Variants in ZDHHC15 observed in about 807,000 individuals in gnomAD.
ZDHHC15 encodes the protein palmitoyltransferase ZDHHC15.
In ZDHHC15, 19 loss-of-function variants were observed where a neutral mutation model predicts 31.7. The observed-to-expected ratio is 0.60, with a 90% CI of 0.42 to 0.88. The LOEUF is 0.88. Among genes scored for constraint, ZDHHC15 ranks in the 40% least tolerant of loss-of-function variants. The probability of loss-of-function intolerance (pLI) is 0.00; values close to 1 mark genes in which losing one functional copy is unlikely to be tolerated. For synonymous variants in ZDHHC15, 103 were observed against 90.0 expected (o/e 1.14, Z -0.82); for missense variants, 209 against 251.2 (o/e 0.83, Z 1.14).
At chrX:75,510,029 A>G (rs1017640425) in intron 1 of ZDHHC15, among the ~76,000 whole-genome samples, 12 of 111,646 alleles carry the variant, frequency 1.1e-4, no homozygotes, top group Non-Finnish European at 5.7e-5. Flanking sequence ...GATATAGGGA[A>G]CTGAGACACA....
Position 75,491,907 on chromosome X carries a change from C to T in ZDHHC15, c.164-12922G>A, listed in dbSNP as rs1387215556. Among the ~76,000 whole-genome samples the T allele has an allele frequency of 4.5e-5, 5 of 111,525 alleles. 1 individual carries two copies. Among genetic ancestry groups the T allele is most frequent in the Non-Finnish European group, 9.4e-5 (5 of 53,150 alleles). On this transcript the variant is annotated intron_variant, in intron 2 of 11. Transcript: ENST00000373367. Reference sequence around the variant, plus strand: ...ATTAACGAGCAAAATAACCAGCTAACATCATAATGACAGGATAAAATTCAC... The same window carrying T: ...ATTAACGAGCAAAATAACCAGCTAATATCATAATGACAGGATAAAATTCAC...
intron 10 of ZDHHC15, among the ~76,000 whole-genome samples, chrX:75,380,337 C>T: frequency 8.9e-6 from 1 of 112,052 alleles, no homozygotes; most frequent in African/African-American, 3.2e-5. Flanking sequence ...AGAAGTGATG[C>T]TAATTCTTTC....
At chrX:75,446,033 G>T (rs1014633996) in intron 4 of ZDHHC15, among the ~76,000 whole-genome samples, 1 of 111,453 alleles carries the variant, frequency 9.0e-6, no homozygotes, top group Admixed American at 9.6e-5. Flanking sequence ...ATCCCTAAAG[G>T]TAAGGTACAA....
intron 4 of ZDHHC15, among the ~76,000 whole-genome samples, chrX:75,444,712 A>ACACAC (rs1569332752): frequency 6.4e-5 from 6 of 94,291 alleles, no homozygotes; most frequent in African/African-American, 1.6e-4. Flanking sequence ...ACACACACAC[A>ACACAC]AATTTATGTA....
rs573271281 is a variant in ZDHHC15 at position 75,394,385 on chromosome X, T to C, written c.968-15187A>G. On this transcript the variant is annotated intron_variant, in intron 10 of 11. Transcript: ENST00000373367. The stretch of plus-strand genomic sequence containing the variant: ...AGCTCTTTTCAATAATAACATTGAA[T>C]GTAAATGGAGTAAACTATAATCAAA... Among the ~76,000 whole-genome samples the C allele has an allele frequency of 2.8e-5, 3 of 108,535 alleles. No homozygotes were observed. In the South Asian group the frequency reaches 1.2e-3, roughly 43 times the overall value. The allele number at this position is 108,535 out of a possible 115,157, so 94.2% of individuals were successfully genotyped here. A position where few individuals can be genotyped will look rare whatever the true frequency, so the allele number is the denominator to read the frequency against.
chrX:75,384,603 C>T, intron 10 of ZDHHC15: 1 of 815,917 alleles, frequency 1.2e-6, no homozygotes, highest in Non-Finnish European at 1.8e-6. Context: ...AGATTCTTGC[C>T]AAGAGAATTA....
chrX:75,484,053 G>A (rs746723372), intron 2 of ZDHHC15, among the ~76,000 whole-genome samples: 12 of 111,724 alleles, frequency 1.1e-4, no homozygotes, highest in Admixed American at 6.7e-4. Flanking sequence ...TTTCAGAGTT[G>A]GAAGAAAACT....
At chrX:75,376,445 C>T (rs1422064336) in intron 11 of ZDHHC15, among the ~76,000 whole-genome samples, 1 of 111,214 alleles carries the variant, frequency 9.0e-6, no homozygotes, top group Non-Finnish European at 1.9e-5. Context: ...GTTGCAATTG[C>T]TTTTGGGGAC....
intron 3 of ZDHHC15, among the ~76,000 whole-genome samples, chrX:75,477,965 A>T (rs1322701118): frequency 9.0e-6 from 1 of 110,765 alleles, no homozygotes; most frequent in Non-Finnish European, 1.9e-5. Flanking sequence ...CTCTGTAGTT[A>T]ACTTTATTTT....
At chrX:75,452,065 T>C (rs1602648550) in intron 3 of ZDHHC15, among the ~76,000 whole-genome samples, 1 of 110,796 alleles carries the variant, frequency 9.0e-6, no homozygotes, top group African/African-American at 3.3e-5. Context: ...CTAAATGCCC[T>C]AATTAAAAAC....
At chrX:75,504,415 T>C (rs967376914) in intron 2 of ZDHHC15, among the ~76,000 whole-genome samples, 2 of 111,838 alleles carry the variant, frequency 1.8e-5, no homozygotes, top group African/African-American at 6.5e-5. Flanking sequence ...GAAAATATAA[T>C]TTGAAGATGA....
intron 1 of ZDHHC15, among the ~76,000 whole-genome samples, chrX:75,510,664 G>T (rs1441890213): frequency 1.2e-5 from 1 of 86,668 alleles, no homozygotes; most frequent in African/African-American, 4.2e-5. Flanking sequence ...CCATGCTGGT[G>T]CGCTGCACCC....
chrX:75,466,933 G>A (rs1419464709), intron 3 of ZDHHC15, among the ~76,000 whole-genome samples: 2 of 110,540 alleles, frequency 1.8e-5, no homozygotes, highest in Non-Finnish European at 3.8e-5. Flanking sequence ...GGAGCTAATG[G>A]ATGCTGGGAT....
At chrX:75,516,933 A>T (rs1249813087) in intron 1 of ZDHHC15, among the ~76,000 whole-genome samples, 3 of 112,507 alleles carry the variant, frequency 2.7e-5, no homozygotes, top group Non-Finnish European at 3.8e-5. Context: ...AAAGGATATG[A>T]ACAGACATTT....
intron 2 of ZDHHC15, among the ~76,000 whole-genome samples, chrX:75,490,130 T>C (rs746042682): frequency 9.0e-6 from 1 of 111,529 alleles, no homozygotes; most frequent in South Asian, 3.8e-4. Flanking sequence ...TACCTGAAAG[T>C]GACAGGGAGA....
chrX:75,401,062 A>T (rs917844718), intron 10 of ZDHHC15, among the ~76,000 whole-genome samples: 14 of 111,159 alleles, frequency 1.3e-4, no homozygotes, highest in Non-Finnish European at 2.6e-4. Context: ...TTCAATGAAG[A>T]GGATGGAAAG....
intron 10 of ZDHHC15, among the ~76,000 whole-genome samples, chrX:75,386,887 G>A (rs2083185844): frequency 8.9e-6 from 1 of 111,742 alleles, no homozygotes; most frequent in Non-Finnish European, 1.9e-5. Flanking sequence ...ATTGTGACCT[G>A]GAGCTCTCTA....
At chrX:75,410,182 C>T (rs1392047603) in intron 10 of ZDHHC15, among the ~76,000 whole-genome samples, 1 of 111,325 alleles carries the variant, frequency 9.0e-6, no homozygotes, top group Non-Finnish European at 1.9e-5. Context: ...GTTGAAAGCA[C>T]AGGCAACCAA....
At position 75,405,610 on chromosome X, in the gene ZDHHC15, T is replaced by G. The variant is rs1252875997; in HGVS notation, c.967+11477A>C. The stretch of plus-strand genomic sequence containing the variant: ...ATGATAAAGGGTCAATTCAACAAGA[T>G]GATATAACAATTATAAATATCAATG... On this transcript the variant is annotated intron_variant, in intron 10 of 11. Coordinates refer to ENST00000373367, the MANE Select transcript of ZDHHC15 (RefSeq NM_144969.3). Among the ~76,000 whole-genome samples the G allele has an allele frequency of 3.6e-5, 4 of 111,563 alleles. No homozygotes were observed. The Admixed American group carries it at 3.8e-4, about 11-fold the overall frequency.
Sources: gnomAD v4.1 joint callset for allele counts (sites outside exome capture counted in the v4.1 genomes callset) on GRCh38, gnomAD v4.1.1 for gene constraint, MANE v1.5 for transcripts, NCBI Gene and HGNC (gene_info 2026-07-23, HGNC 2026-07-21) for gene names.